PPP3CA: variants seen among roughly 807,000 people sequenced by gnomAD.
PPP3CA encodes the protein protein phosphatase 3 catalytic subunit alpha, also known as CAM-PRP catalytic subunit.
Under a neutral mutation model 66.5 loss-of-function variants are expected in PPP3CA, and 14 were observed. The ratio of observed to expected loss-of-function variants is 0.21; its 90% CI spans 0.14 to 0.33. The LOEUF is 0.33. Ranked by LOEUF, PPP3CA falls within the 10% of genes least tolerant of loss-of-function variation. The pLI is 1.00. For missense variants in PPP3CA, 317 were observed against 639.5 expected (o/e 0.50, Z 5.44); for synonymous variants, 232 against 226.2 (o/e 1.03, Z -0.23).
chr4:101,334,912 T>A (rs1310127240), intron 1 of PPP3CA, among the ~76,000 whole-genome samples: 1 of 152,098 alleles, frequency 6.6e-6, no homozygotes, highest in Non-Finnish European at 1.5e-5. Flanking sequence ...TTCAGGGAAA[T>A]ACACACATAT....
intron 1 of PPP3CA, among the ~76,000 whole-genome samples, chr4:101,205,952 A>T (rs1256052744): frequency 6.6e-6 from 1 of 152,218 alleles, no homozygotes; most frequent in African/African-American, 2.4e-5. Flanking sequence ...CCAGAGAGCC[A>T]AGGGCAGGAG....
chr4:101,098,600 C>CTAGGA, intron 4 of PPP3CA, 88 bp from the exon 5 acceptor site: 2 of 1,259,932 alleles, frequency 1.6e-6, no homozygotes. Context: ...AGTTTTCTTG[C>CTAGGA]TAGGACCCTA....
chr4:101,227,185 A>C (rs1363207227), intron 1 of PPP3CA, among the ~76,000 whole-genome samples: 1 of 151,778 alleles, frequency 6.6e-6, no homozygotes, highest in Non-Finnish European at 1.5e-5. Flanking sequence ...ATGTATGGAG[A>C]AACAGAAAAC....
At chr4:101,040,663 T>A in intron 10 of PPP3CA, 97 bp from the exon 11 acceptor site, 1 of 935,114 alleles carries the variant, frequency 1.1e-6, no homozygotes, top group Non-Finnish European at 1.5e-6. Flanking sequence ...GTAAGCAAAA[T>A]CAGTATTTTT....
chr4:101,075,097 T>TGG (rs1490349496), intron 8 of PPP3CA, among the ~76,000 whole-genome samples: 1 of 152,112 alleles, frequency 6.6e-6, no homozygotes, highest in African/African-American at 2.4e-5. Flanking sequence ...GAGAACAGTA[T>TGG]GGGGGAAACC....
chr4:101,208,142 T>A (rs2850994), intron 1 of PPP3CA, among the ~76,000 whole-genome samples: 36,460 of 152,072 alleles, frequency 0.24, 6,791 homozygotes, highest in African/African-American at 0.5. Context: ...TGGCTTAAAA[T>A]TTAACTCAAG....
intron 1 of PPP3CA, among the ~76,000 whole-genome samples, chr4:101,204,892 T>C (rs1725084391): frequency 6.6e-6 from 1 of 151,130 alleles, no homozygotes; most frequent in Admixed American, 6.6e-5. Context: ...ACAAGTCTAC[T>C]CTACAATGTT....
intron 2 of PPP3CA, among the ~76,000 whole-genome samples, chr4:101,145,650 G>A (rs757165995): frequency 9.2e-5 from 14 of 152,002 alleles, no homozygotes; most frequent in Non-Finnish European, 1.8e-4. Flanking sequence ...TGGGGGTAAG[G>A]AAAAAGTGGG....
At chr4:101,111,698 C>A (rs996372697) in intron 2 of PPP3CA, among the ~76,000 whole-genome samples, 9 of 152,144 alleles carry the variant, frequency 5.9e-5, no homozygotes, top group Admixed American at 1.3e-4. Flanking sequence ...ACAATTTACT[C>A]AACTTCTCTG....
chr4:101,269,601 T>TGTGTGTGTGTG (rs1560690312), intron 1 of PPP3CA, among the ~76,000 whole-genome samples: 2 of 146,788 alleles, frequency 1.4e-5, no homozygotes, highest in Non-Finnish European at 1.5e-5. Flanking sequence ...TGTGTGTGTG[T>TGTGTGTGTGTG]TTTAACTGCT....
chr4:101,298,345 T>C (rs987536111), intron 1 of PPP3CA, among the ~76,000 whole-genome samples: 1 of 151,430 alleles, frequency 6.6e-6, no homozygotes, highest in African/African-American at 2.4e-5. Context: ...GGGAGATATA[T>C]ATATATATAT....
At chr4:101,112,423 C>A (rs569451822) in intron 2 of PPP3CA, among the ~76,000 whole-genome samples, 1 of 152,196 alleles carries the variant, frequency 6.6e-6, no homozygotes, top group Non-Finnish European at 1.5e-5. Context: ...GTAAACTCTG[C>A]ATGGAAAACA....
At chr4:101,108,549 T>C (rs1721525298) in intron 3 of PPP3CA, among the ~76,000 whole-genome samples, 1 of 152,186 alleles carries the variant, frequency 6.6e-6, no homozygotes, top group South Asian at 2.1e-4. Context: ...GCGGATCATC[T>C]GAGGTCAGGA....
chr4:101,207,788 T>G (rs1186639151), intron 1 of PPP3CA, among the ~76,000 whole-genome samples: 1 of 151,010 alleles, frequency 6.6e-6, no homozygotes, highest in Non-Finnish European at 1.5e-5. Flanking sequence ...ATCACACCAC[T>G]GCAATCCAGG....
At chr4:101,171,907 A>G (rs1032755468) in intron 2 of PPP3CA, among the ~76,000 whole-genome samples, 1 of 152,212 alleles carries the variant, frequency 6.6e-6, no homozygotes, top group Non-Finnish European at 1.5e-5. Context: ...ACTGCCATAT[A>G]TAGCACAATG....
chr4:101,269,553 CGTGT>C (rs55721209), intron 1 of PPP3CA, among the ~76,000 whole-genome samples: 3,839 of 135,876 alleles, frequency 0.028, 44 homozygotes, highest in Middle Eastern at 0.043. Context: ...AAACAAGGAA[CGTGT>C]GTGTGTGTGT....
At chr4:101,183,901 T>C (rs951497746) in intron 2 of PPP3CA, among the ~76,000 whole-genome samples, 15 of 152,166 alleles carry the variant, frequency 9.9e-5, no homozygotes, top group Admixed American at 2.0e-4. Flanking sequence ...ATGAACCTTG[T>C]GCCACACTGC....
intron 2 of PPP3CA, among the ~76,000 whole-genome samples, chr4:101,134,455 A>C (rs976209944): frequency 6.6e-6 from 1 of 152,242 alleles, no homozygotes; most frequent in African/African-American, 2.4e-5. Flanking sequence ...TCAAAAGAAG[A>C]CATTTATGTG....
chr4:101,163,903 G>T (rs1342729368), intron 2 of PPP3CA, among the ~76,000 whole-genome samples: 1 of 151,866 alleles, frequency 6.6e-6, no homozygotes, highest in Non-Finnish European at 1.5e-5. Context: ...TATTTATCAT[G>T]AATAAATAGA....
Sources: allele counts gnomAD v4.1 joint callset (sites outside exome capture counted in the v4.1 genomes callset), GRCh38; gene constraint gnomAD v4.1.1; transcripts MANE v1.5; gene names NCBI Gene and HGNC (gene_info 2026-07-23, HGNC 2026-07-21).